Variants in LIMS1 observed in about 807,000 individuals in gnomAD.
LIMS1 encodes the protein LIM and senescent cell antigen-like-containing domain protein 1.
A neutral mutation model predicts 44.1 loss-of-function variants in LIMS1; 18 were observed. That is an observed-to-expected ratio of 0.41 (90% CI 0.28 to 0.61). The LOEUF is 0.61. Among genes scored for constraint, LIMS1 ranks in the 20% least tolerant of loss-of-function variants. The probability of loss-of-function intolerance (pLI) is 0.32; values close to 1 mark genes in which losing one functional copy is unlikely to be tolerated. For missense variants in LIMS1, 201 were observed against 422.0 expected, an observed-to-expected ratio of 0.48 and a Z score of 4.59; for synonymous variants, 93 against 149.1, an observed-to-expected ratio of 0.62 and a Z score of 2.74.
intron 3 of LIMS1, among the ~76,000 whole-genome samples, chr2:108,671,978 G>T (rs953844596): frequency 6.6e-6 from 1 of 151,970 alleles, no homozygotes; most frequent in Non-Finnish European, 1.5e-5. Context: ...TCGGGAATTC[G>T]ACCAACATGG....
At chr2:108,684,915 A>AG (rs1693225498) in exon 10 of LIMS1, 1 of 152,076 alleles carries the variant, frequency 6.6e-6, no homozygotes, top group South Asian at 2.1e-4. Context: ...TGCTTTATAC[A>AG]TACTCAAACT....
intron 1 of LIMS1, among the ~76,000 whole-genome samples, chr2:108,595,853 C>G (rs967458190): frequency 1.3e-5 from 2 of 151,912 alleles, no homozygotes; most frequent in Admixed American, 1.3e-4. Flanking sequence ...CCACCTTAAT[C>G]ATTTTTAAAC....
At chr2:108,564,165 A>G (rs182165292) in intron 1 of LIMS1, among the ~76,000 whole-genome samples, 53 of 152,312 alleles carry the variant, frequency 3.5e-4, no homozygotes, top group African/African-American at 1.3e-3. Context: ...GCAGTTGTCA[A>G]CATCAAGGAA....
intron 1 of LIMS1, among the ~76,000 whole-genome samples, chr2:108,597,257 C>T (rs1169527469): frequency 6.6e-6 from 1 of 151,978 alleles, no homozygotes; most frequent in African/African-American, 2.4e-5. Context: ...CACTTTGAGA[C>T]TCAACACTTA....
chr2:108,638,660 T>G (rs531831391), intron 1 of LIMS1, among the ~76,000 whole-genome samples: 1 of 151,936 alleles, frequency 6.6e-6, no homozygotes, highest in Non-Finnish European at 1.5e-5. Context: ...GGCACGAGAA[T>G]CACTTGAACC....
intron 2 of LIMS1, among the ~76,000 whole-genome samples, chr2:108,669,274 G>C (rs1187539398): frequency 6.6e-6 from 1 of 150,710 alleles, no homozygotes; most frequent in Non-Finnish European, 1.5e-5. Context: ...TGGACATGGT[G>C]GTGGGCGCCT....
intron 1 of LIMS1, among the ~76,000 whole-genome samples, chr2:108,636,641 G>A (rs926488492): frequency 6.6e-6 from 1 of 152,184 alleles, no homozygotes; most frequent in Non-Finnish European, 1.5e-5. Context: ...GACACAAGGG[G>A]GTCTGTCTAA....
At chr2:108,627,447 C>T (rs186209655) in intron 1 of LIMS1, among the ~76,000 whole-genome samples, 10 of 131,566 alleles carry the variant, frequency 7.6e-5, no homozygotes, top group South Asian at 2.4e-4. Flanking sequence ...CATTTAGGAA[C>T]GAACCGTCAA....
intron 1 of LIMS1, among the ~76,000 whole-genome samples, chr2:108,549,936 G>A (rs1286951983): frequency 3.9e-5 from 6 of 152,178 alleles, no homozygotes; most frequent in Non-Finnish European, 8.8e-5. Flanking sequence ...AAAACTGGGT[G>A]TGAGTAGATT....
chr2:108,591,324 A>C (rs2104685426), intron 1 of LIMS1, among the ~76,000 whole-genome samples: 1 of 152,288 alleles, frequency 6.6e-6, no homozygotes, highest in Non-Finnish European at 1.5e-5. Context: ...AGGACTGAGC[A>C]AATGATGCGG....
chr2:108,673,129 A>G, intron 5 of LIMS1, 100 bp downstream of exon 5: 1 of 1,459,994 alleles, frequency 6.8e-7, no homozygotes, highest in South Asian at 1.2e-5. Flanking sequence ...GTTTTTCTCC[A>G]ATTTTTAGTC....
intron 1 of LIMS1, among the ~76,000 whole-genome samples, chr2:108,543,682 A>G (rs1338429678): frequency 2.0e-5 from 3 of 152,214 alleles, no homozygotes; most frequent in Admixed American, 6.5e-5. Flanking sequence ...CCTTAGTTAT[A>G]GATTAAAAGA....
chr2:108,581,793 C>T (rs182780261), intron 1 of LIMS1, among the ~76,000 whole-genome samples: 88 of 152,072 alleles, frequency 5.8e-4, no homozygotes, highest in African/African-American at 1.9e-3. Context: ...CAAAATTACT[C>T]GGGAGTGGTG....
chr2:108,619,185 A>T (rs1373502273), intron 1 of LIMS1, among the ~76,000 whole-genome samples: 1 of 152,138 alleles, frequency 6.6e-6, no homozygotes, highest in South Asian at 2.1e-4. Context: ...ATTAATTTTT[A>T]AAAACTCTTT....
At chr2:108,625,275 A>C (rs1282795840) in intron 1 of LIMS1, among the ~76,000 whole-genome samples, 3 of 152,244 alleles carry the variant, frequency 2.0e-5, no homozygotes, top group Non-Finnish European at 4.4e-5. Flanking sequence ...ATGAAGTTTT[A>C]CTGGAACACA....
rs71381966 is a variant in LIMS1, at chr2:108,549,279, C to CTTTTTTTTTTTTTTTT, written c.32+14703_32+14718dup. On this transcript the variant is annotated intron_variant, in intron 1 of 9. Transcript: ENST00000544547. Reference sequence around the variant, plus strand: ...ATAATAATGTACAAGTAAAGTGTTTCTTTTTTTTTTTTTTTTTTTTTTTTT... The same window carrying CTTTTTTTTTTTTTTTT: ...ATAATAATGTACAAGTAAAGTGTTTCTTTTTTTTTTTTTTTTTTTTTTTTTTTTTTTTTTTTTTTTT... Among the ~76,000 whole-genome samples the CTTTTTTTTTTTTTTTT allele has an allele frequency of 1.6e-4, 9 of 55,782 alleles. 3 individuals carry two copies. Among genetic ancestry groups the CTTTTTTTTTTTTTTTT allele is most frequent in the Non-Finnish European group, 2.2e-4 (7 of 32,024 alleles). 36.6% of individuals were successfully genotyped at this position (55,782 alleles called of 152,430 possible).
rs151262934 is a variant in LIMS1 at position 108,552,585 on chromosome 2, G to GGTGTGTGT, written c.32+18012_32+18019dup. Among the ~76,000 whole-genome samples the GGTGTGTGT allele has an allele frequency of 1.2e-3, 121 of 101,906 alleles. 1 individual carries two copies. Among genetic ancestry groups the GGTGTGTGT allele is most frequent in the East Asian group, 8.6e-3 (11 of 1,280 alleles). 66.9% of individuals were successfully genotyped at this position (101,906 alleles called of 152,430 possible). On this transcript the variant is annotated intron_variant, in intron 1 of 9. Transcript: ENST00000544547. ...TTGGGGTGTATATATATATATTTTGGGTGTGTGTGTGTGTGTGTGTGTGTG... is the reference window on the plus strand; with the variant it reads ...TTGGGGTGTATATATATATATTTTGGGTGTGTGTGTGTGTGTGTGTGTGTGTGTGTGTG...
At chr2:108,595,848 T>C (rs1467711082) in intron 1 of LIMS1, among the ~76,000 whole-genome samples, 1 of 151,860 alleles carries the variant, frequency 6.6e-6, no homozygotes, top group African/African-American at 2.4e-5. Context: ...ATCTACCACC[T>C]TAATCATTTT....
rs1689781961 is a variant in LIMS1 at position 108,642,639 on chromosome 2, G to A, written c.33-16966G>A. 5.3e-5 allele frequency among the ~76,000 whole-genome samples: 8 copies of A among 152,210 alleles called. No homozygotes were observed. In the South Asian group the frequency reaches 1.7e-3, roughly 32 times the overall value. Reference sequence around the variant, plus strand: ...CTCCCAAAGTGCAGGGATTACAGGCGTGAGCCACCGCGCCCGGCCGCTACT... The same window carrying A: ...CTCCCAAAGTGCAGGGATTACAGGCATGAGCCACCGCGCCCGGCCGCTACT... On this transcript the variant is annotated intron_variant, in intron 1 of 9. Transcript: ENST00000544547.
Sources: gnomAD v4.1 joint callset for allele counts (sites outside exome capture counted in the v4.1 genomes callset) on GRCh38, gnomAD v4.1.1 for gene constraint, MANE v1.5 for transcripts, NCBI Gene and HGNC (gene_info 2026-07-23, HGNC 2026-07-21) for gene names.